The following CIITA variants were observed in gnomAD, a reference collection of about 807,000 sequenced individuals.
CIITA encodes MHC class II transactivator.
A neutral mutation model predicts 115.1 loss-of-function variants in CIITA; 72 were observed. The ratio of observed to expected loss-of-function variants is 0.63; its 90% CI spans 0.52 to 0.76. The LOEUF is 0.76. CIITA is among the 30% of genes least tolerant of loss of function. The probability of loss-of-function intolerance (pLI) is 0.00; values close to 1 mark genes in which losing one functional copy is unlikely to be tolerated. For synonymous variants in CIITA, 763 were observed against 635.6 expected (o/e 1.20, Z -3.02); for missense variants, 1,617 against 1,463.8 (o/e 1.10, Z -1.71).
At chr16:10,902,256 AG>A in intron 7 of CIITA, 72 bp downstream of exon 7, 1 of 1,586,182 alleles carries the variant, frequency 6.3e-7, no homozygotes, top group Non-Finnish European at 8.6e-7. Context: ...ACACTAAGGC[AG>A]GGACTGTCAG....
intron 1 of CIITA, among the ~76,000 whole-genome samples, chr16:10,869,756 C>T (rs1264353670): frequency 1.3e-5 from 2 of 152,132 alleles, no homozygotes; most frequent in Non-Finnish European, 2.9e-5. Context: ...ATCAAGTGAT[C>T]CGCCCACCCC....
chr16:10,900,537 T>C (rs928890441), intron 5 of CIITA, among the ~76,000 whole-genome samples: 2 of 151,804 alleles, frequency 1.3e-5, no homozygotes, highest in African/African-American at 2.4e-5. Flanking sequence ...GTCAAGAGTT[T>C]GAGACCAGCC....
chr16:10,895,187 C>T, intron 1 of CIITA, 95 bp from the exon 2 acceptor site: 3 of 1,449,604 alleles, frequency 2.1e-6, no homozygotes, highest in South Asian at 1.1e-5. Flanking sequence ...CTCCTCTCAT[C>T]CCCAGCCCTC....
rs34685848 is a variant in CIITA at position 10,907,823 on chromosome 16, G to T, written c.2331G>T (p.Ser777=). ...GCCTGGGAGCCCTACTCGGGCCATC[G>T]GCGGCTGCCTCGGTGGACAGGAAGC... ...ARCLGALLGP[S]AAASVDRKQK... Residue 777 remains serine (S), a synonymous_variant, in exon 11 of 20, where the codon TCG becomes TCT. Coordinates refer to ENST00000324288, the MANE Select transcript of CIITA (RefSeq NM_000246.4). This position sits in a 1 kb window ranked among gnomAD's most constrained non-coding sequence, Gnocchi z 5.0. The T allele has an allele frequency of 0.082, 131,961 of 1,613,826 alleles. 6,228 individuals are homozygous for T. Among genetic ancestry groups the T allele is most frequent in the Non-Finnish European group, 0.096 (113,033 of 1,179,838 alleles).
Position 10,895,399 on chromosome 16 carries a change from C to A in CIITA, c.170C>A (p.Ala57Asp), listed in dbSNP as rs1555500356. 2 of 1,613,916 alleles carry A rather than the reference C, an allele frequency of 1.2e-6. No individual in the cohort carries two copies. The highest frequency in any genetic ancestry group is 3.3e-5 in the Admixed American group (2 of 59,998). ...LYHFYDQMDL[A>D]GEEEIELYSE... Reference sequence around the variant, plus strand: ...CACTTCTATGACCAGATGGACCTGGCTGGAGAAGAAGAGATTGAGCTCTAC... The same window carrying A: ...CACTTCTATGACCAGATGGACCTGGATGGAGAAGAAGAGATTGAGCTCTAC... The change falls in exon 2 of 20, where the codon GCT (alanine) becomes GAT (aspartate). Residue 57 changes from alanine to aspartate, a missense_variant. Coordinates refer to ENST00000324288, the MANE Select transcript of CIITA (RefSeq NM_000246.4).
chr16:10,911,797 C>A (rs1453410842), intron 13 of CIITA, among the ~76,000 whole-genome samples: 1 of 152,150 alleles, frequency 6.6e-6, no homozygotes, highest in African/African-American at 2.4e-5. Context: ...GCAATCCTCC[C>A]ACCTCAGCCT....
chr16:10,940,626 C>G (rs1335665543), downstream of CIITA: 1 of 152,532 alleles, frequency 6.6e-6, no homozygotes, highest in Non-Finnish European at 1.5e-5. This position sits in a 1 kb window ranked among gnomAD's most constrained non-coding sequence, Gnocchi z 4.2. Flanking sequence ...AGCTGCCTGA[C>G]AGCTTGTCTG....
rs532826392 is a variant in CIITA at position 10,917,633 on chromosome 16, C to T, written c.3063-807C>T. On this transcript the variant is annotated intron_variant, in intron 15 of 19. Transcript: ENST00000324288. ...TAGCTGGAATTACAGGCATGCACCA[C>T]TACACCCAACTAATTTTTGTATTTT... 5.9e-5 allele frequency among the ~76,000 whole-genome samples: 9 copies of T among 152,228 alleles called. No individual in the cohort carries two copies. In the South Asian group the frequency reaches 1.5e-3, roughly 25 times the overall value.
At chr16:10,887,312 A>G (rs1596464976) in intron 1 of CIITA, among the ~76,000 whole-genome samples, 2 of 152,020 alleles carry the variant, frequency 1.3e-5, no homozygotes, top group African/African-American at 4.8e-5. Flanking sequence ...TCTCAAAAAG[A>G]CTCAATTGAA....
Position 10,916,479 on chromosome 16 carries a change from C to T in CIITA, c.3062+20C>T. ...CCTCAAGTGAGTGAGCTGGGCCTGC[C>T]CTTCCTGCTGAATCGGGCCCCCAAA... is the stretch of plus-strand genomic sequence containing the variant. On this transcript the variant is annotated intron_variant, in intron 15 of 19. Transcript: ENST00000324288. The T allele has an allele frequency of 1.2e-6, 2 of 1,601,622 alleles. No individual in the cohort carries two copies. The highest frequency in any genetic ancestry group is 1.7e-6 in the Non-Finnish European group (2 of 1,172,462).
At chr16:10,940,275 G>A (rs1289681887), downstream of CIITA, 1 of 152,268 alleles carries the variant, frequency 6.6e-6, no homozygotes, top group Non-Finnish European at 1.5e-5. The surrounding 1 kb of genome is among the most constrained non-coding windows in gnomAD (Gnocchi z 4.2). Flanking sequence ...CACGAAGGCA[G>A]AGCCTTCATG....
intron 1 of CIITA, among the ~76,000 whole-genome samples, chr16:10,869,463 A>G (rs1001905035): frequency 6.6e-6 from 1 of 151,660 alleles, no homozygotes; most frequent in African/African-American, 2.4e-5. Context: ...CAAGCCATTT[A>G]GAATTGCAAC....
chr16:10,885,316 C>T (rs1462611489), intron 1 of CIITA, among the ~76,000 whole-genome samples: 1 of 152,208 alleles, frequency 6.6e-6, no homozygotes, highest in African/African-American at 2.4e-5. Flanking sequence ...CATCTGACCT[C>T]CTGCCCCCAT....
Position 10,907,590 on chromosome 16 carries a change from CG to C in CIITA, c.2101del (p.Ala701ProfsTer24). The C allele has an allele frequency of 6.2e-7, 1 of 1,614,178 alleles. No individual in the cohort carries two copies. The highest frequency in any genetic ancestry group is 8.5e-7 in the Non-Finnish European group (1 of 1,180,034). On this transcript the variant is annotated frameshift_variant, in exon 11 of 20. Coordinates refer to ENST00000324288, the MANE Select transcript of CIITA (RefSeq NM_000246.4). LOFTEE classifies it high-confidence loss of function. This position sits in a 1 kb window ranked among gnomAD's most constrained non-coding sequence, Gnocchi z 5.0. ...CAAAGGCTTAGTCCAACACCCACCG[CG>C]GGCCGCAGAGTCCGAGCTGGCCTTC... Reference protein sequence around the residue: ...MAKGLVQHPPRAAESELAFPS... With the variant: ...MAKGLVQHPPXAAESELAFPS...
Position 10,936,186 on chromosome 16 carries a change from G to C in CIITA, c.*12331G>C, listed in dbSNP as rs2041016264. The C allele has an allele frequency of 6.6e-6, 1 of 151,902 alleles. No homozygotes were observed. The highest frequency in any genetic ancestry group is 6.6e-5 in the Admixed American group (1 of 15,242). The allele number at this position is 151,902 out of a possible 1,614,324, so 9.4% of individuals were successfully genotyped here. On this transcript the variant is annotated 3_prime_UTR_variant, in exon 20 of 20. Transcript: ENST00000324288. ...TTTTTTCCTACTTTTTGTAGAGACG[G>C]GGTCTCACTATGTTGCCCAGGCTGG... is the stretch of plus-strand genomic sequence containing the variant.
At chr16:10,905,676 C>T (rs1312052972) in intron 10 of CIITA, among the ~76,000 whole-genome samples, 2 of 151,674 alleles carry the variant, frequency 1.3e-5, no homozygotes, top group African/African-American at 2.4e-5. Flanking sequence ...GCAGGAGAAT[C>T]GCCTAAACCC....
Position 10,895,717 on chromosome 16 carries a change from G to T in CIITA, c.248G>T (p.Cys83Phe). ...INCDQFSRLL[C>F]DMEGDEETRE... ...TGCGACCAGTTCAGCAGGCTGTTGTGTGACATGGAAGGTGATGAAGAGACC... is the reference window on the plus strand; with the variant it reads ...TGCGACCAGTTCAGCAGGCTGTTGTTTGACATGGAAGGTGATGAAGAGACC... The change falls in exon 3 of 20, where the codon TGT (cysteine) becomes TTT (phenylalanine). Residue 83 changes from cysteine (C) to phenylalanine (F), a missense_variant. Coordinates refer to ENST00000324288, the MANE Select transcript of CIITA (RefSeq NM_000246.4). 6.2e-7 allele frequency: 1 copy of T among 1,614,132 alleles called. No homozygotes were observed. Among genetic ancestry groups the T allele is most frequent in the Non-Finnish European group, 8.5e-7 (1 of 1,180,026 alleles).
At chr16:10,891,349 G>T (rs1173192455) in intron 1 of CIITA, among the ~76,000 whole-genome samples, 2 of 152,082 alleles carry the variant, frequency 1.3e-5, no homozygotes, top group African/African-American at 4.8e-5. Context: ...TCCTTCCCGG[G>T]GTCTCAGTCT....
chr16:10,877,881 G>A (rs1462004374), intron 1 of CIITA, among the ~76,000 whole-genome samples: 1 of 152,190 alleles, frequency 6.6e-6, no homozygotes, highest in Non-Finnish European at 1.5e-5. Context: ...TCCTAATGGT[G>A]TTGTTTAAAA....
Sources: gnomAD v4.1 joint callset for allele counts (sites outside exome capture counted in the v4.1 genomes callset) on GRCh38, gnomAD v4.1.1 for gene constraint, Gnocchi (gnomAD v3.1) non-coding constraint, MANE v1.5 for transcripts, NCBI Gene and HGNC (gene_info 2026-07-23, HGNC 2026-07-21) for gene names.